The following PKNOX1 variants were observed in gnomAD, a reference collection of about 807,000 sequenced individuals.
PKNOX1 encodes homeobox protein PKNOX1.
Under a neutral mutation model 51.9 loss-of-function variants are expected in PKNOX1, and 15 were observed. That is an observed-to-expected ratio of 0.29 (90% CI 0.19 to 0.45). PKNOX1 has a LOEUF of 0.45. Ranked by LOEUF, PKNOX1 falls within the 20% of genes least tolerant of loss-of-function variation. The probability of loss-of-function intolerance (pLI) is 1.00; values close to 1 mark genes in which losing one functional copy is unlikely to be tolerated. For synonymous variants in PKNOX1, 219 were observed against 211.1 expected (o/e 1.04, Z -0.32); for missense variants, 462 against 547.5 (o/e 0.84, Z 1.56).
At chr21:42,977,286 C>CT (rs1321471400) in intron 1 of PKNOX1, among the ~76,000 whole-genome samples, 3 of 152,166 alleles carry the variant, frequency 2.0e-5, no homozygotes, top group African/African-American at 4.8e-5. Flanking sequence ...CCAGCTTGCC[C>CT]TTTGAAACTA....
intron 1 of PKNOX1, among the ~76,000 whole-genome samples, chr21:42,984,479 C>CAGCCTCCCAAGTAG (rs2059041842): frequency 2.0e-5 from 3 of 152,000 alleles, no homozygotes; most frequent in Non-Finnish European, 4.4e-5. Flanking sequence ...ACCTCCACCT[C>CAGCCTCCCAAGTAG]CTGGGTTCAA....
chr21:42,983,630 A>G (rs1223487129), intron 1 of PKNOX1, among the ~76,000 whole-genome samples: 2 of 152,068 alleles, frequency 1.3e-5, no homozygotes, highest in African/African-American at 4.8e-5. Context: ...CCTACTTTCA[A>G]TTTTTTTGGA....
intron 1 of PKNOX1, among the ~76,000 whole-genome samples, chr21:42,976,506 CCA>C: frequency 6.6e-6 from 1 of 152,308 alleles, no homozygotes; most frequent in East Asian, 1.9e-4. Context: ...AGCATTTTAA[CCA>C]CAGTGAAAAT....
chr21:43,018,144 T>G lies in PKNOX1; in HGVS notation c.634T>G (p.Tyr212Asp), dbSNP rs1314560510. The G allele has an allele frequency of 1.2e-6, 2 of 1,606,580 alleles. No homozygotes were observed. Residue 212 changes from tyrosine (Y) to aspartate (D), a missense_variant, in exon 7 of 11, where the codon TAT (tyrosine) becomes GAT (aspartate). Physicochemically the swap from Tyr to Asp is radical, Grantham distance 160. Transcript: ENST00000291547. ...AMATVAGGTV[Y>D]QPVTVVTPQG... is the part of the protein sequence containing the mutation. ...TTCTCCCTTTCGAGGTGGCACAGTGTATCAGCCTGTCACGGTCGTCACTCC... is the reference window on the plus strand; with the variant it reads ...TTCTCCCTTTCGAGGTGGCACAGTGGATCAGCCTGTCACGGTCGTCACTCC...
intron 1 of PKNOX1, among the ~76,000 whole-genome samples, chr21:42,990,511 G>A (rs2059081363): frequency 6.6e-6 from 1 of 152,184 alleles, no homozygotes; most frequent in African/African-American, 2.4e-5. Context: ...TCCCTGTGGA[G>A]TAGGGAAGGG....
intron 1 of PKNOX1, among the ~76,000 whole-genome samples, chr21:42,994,268 C>T: frequency 7.0e-6 from 1 of 143,776 alleles, no homozygotes; most frequent in Non-Finnish European, 1.5e-5. Context: ...TCTTGAACTC[C>T]TGAGCTCAAA....
intron 8 of PKNOX1, among the ~76,000 whole-genome samples, chr21:43,023,042 C>T (rs752836782): frequency 3.3e-5 from 5 of 151,970 alleles, no homozygotes; most frequent in Non-Finnish European, 4.4e-5. Context: ...CCAGTGAAGA[C>T]GCCGCGTTTT....
At chr21:42,988,795 G>T (rs1240965894) in intron 1 of PKNOX1, among the ~76,000 whole-genome samples, 1 of 152,202 alleles carries the variant, frequency 6.6e-6, no homozygotes, top group Non-Finnish European at 1.5e-5. Context: ...ATGAGAGGGA[G>T]CCTGGTCCCT....
At chr21:42,979,674 G>A (rs1441252438) in intron 1 of PKNOX1, among the ~76,000 whole-genome samples, 8 of 152,030 alleles carry the variant, frequency 5.3e-5, no homozygotes, top group South Asian at 2.1e-4. Flanking sequence ...CCCAGGGGGC[G>A]GAGCTTGCAG....
chr21:43,032,613 T>G lies in PKNOX1; in HGVS notation c.*2512T>G, dbSNP rs1381289304. Reference sequence around the variant, plus strand: ...CTGCACTCCATCTTGGGCAACACAGTGAGACCCCCATCTATAAAAAGAGAG... The same window carrying G: ...CTGCACTCCATCTTGGGCAACACAGGGAGACCCCCATCTATAAAAAGAGAG... On this transcript the variant is annotated 3_prime_UTR_variant, in exon 11 of 11. Coordinates refer to ENST00000291547, the MANE Select transcript of PKNOX1 (RefSeq NM_004571.5). The G allele has an allele frequency of 6.2e-6, 1 of 160,528 alleles. No individual in the cohort carries two copies. Among genetic ancestry groups the G allele is most frequent in the African/African-American group, 2.4e-5 (1 of 41,824 alleles). The allele number at this position is 160,528 out of a possible 1,614,324, so 9.9% of individuals were successfully genotyped here.
At chr21:42,982,467 C>T (rs1214544996) in intron 1 of PKNOX1, among the ~76,000 whole-genome samples, 5 of 152,104 alleles carry the variant, frequency 3.3e-5, no homozygotes, top group Non-Finnish European at 7.4e-5. Flanking sequence ...CAGTGGTTCA[C>T]GCCTGTAATC....
In PKNOX1 at chr21:43,032,330, C is replaced by CGTCTCTTCGTCCCTCACCACCCTCT. The variant is rs1568908889; in HGVS notation, c.*2238_*2239insTCCCTCACCACCCTCTGTCTCTTCG. Reference sequence around the variant, plus strand: ...CCTTCCTCCTTCCCTCACCACCCTCCGTCTCTTCGGCTGCTTGCTCTTTAG... The same window carrying CGTCTCTTCGTCCCTCACCACCCTCT: ...CCTTCCTCCTTCCCTCACCACCCTCCGTCTCTTCGTCCCTCACCACCCTCTGTCTCTTCGGCTGCTTGCTCTTTAG... On this transcript the variant is annotated 3_prime_UTR_variant, in exon 11 of 11. Transcript: ENST00000291547. 2 of 406,826 alleles carry CGTCTCTTCGTCCCTCACCACCCTCT rather than the reference C, an allele frequency of 4.9e-6. No individual in the cohort carries two copies. Among genetic ancestry groups the CGTCTCTTCGTCCCTCACCACCCTCT allele is most frequent in the African/African-American group, 2.1e-5 (1 of 48,710 alleles). 25.2% of individuals were successfully genotyped at this position (406,826 alleles called of 1,614,324 possible).
At chr21:43,005,049 G>A (rs761895531) in intron 2 of PKNOX1, among the ~76,000 whole-genome samples, 2 of 152,214 alleles carry the variant, frequency 1.3e-5, no homozygotes, top group Non-Finnish European at 2.9e-5. Flanking sequence ...TGAGGAGCAG[G>A]TGGATCGAGA....
chr21:43,017,213 C>T (rs1353083678), intron 6 of PKNOX1: 1 of 366,140 alleles, frequency 2.7e-6, no homozygotes, highest in Non-Finnish European at 4.9e-6. Flanking sequence ...TGTTTCTCTA[C>T]CAAAAATATA....
intron 5 of PKNOX1, among the ~76,000 whole-genome samples, chr21:43,014,270 C>T (rs1231790173): frequency 6.6e-6 from 1 of 152,168 alleles, no homozygotes; most frequent in Middle Eastern, 3.2e-3. Context: ...ATCCGCCCGC[C>T]TTGGCCTCCC....
At chr21:43,029,518 A>G (rs968459033) in intron 10 of PKNOX1, among the ~76,000 whole-genome samples, 1 of 141,020 alleles carries the variant, frequency 7.1e-6, no homozygotes, top group Non-Finnish European at 1.5e-5. Flanking sequence ...ACCTCTGCCT[A>G]CCAGGTTCCC....
At chr21:42,989,076 T>A (rs2059072263) in intron 1 of PKNOX1, among the ~76,000 whole-genome samples, 1 of 152,214 alleles carries the variant, frequency 6.6e-6, no homozygotes, top group Non-Finnish European at 1.5e-5. Context: ...ATCTCCCTCA[T>A]CCCTTCCTTT....
chr21:42,974,991 T>A (rs428732), intron 1 of PKNOX1, among the ~76,000 whole-genome samples: 1 of 145,458 alleles, frequency 6.9e-6, no homozygotes, highest in Non-Finnish European at 1.5e-5. Flanking sequence ...GCGCTGGGCC[T>A]GATCGAAGCG....
chr21:42,987,404 A>ATATATATATATATATATATATATATAT (rs1555858104), intron 1 of PKNOX1, among the ~76,000 whole-genome samples: 2 of 41,416 alleles, frequency 4.8e-5, no homozygotes, highest in Non-Finnish European at 9.6e-5. Flanking sequence ...AAAAAAAAAA[A>ATATATATATATATATATATATATATAT]ATATATATAT....
Sources: gnomAD v4.1 joint callset for allele counts (sites outside exome capture counted in the v4.1 genomes callset) on GRCh38, gnomAD v4.1.1 for gene constraint, MANE v1.5 for transcripts, NCBI Gene and HGNC (gene_info 2026-07-23, HGNC 2026-07-21) for gene names.